The following SEMA3E variants were observed in gnomAD, a reference collection of about 807,000 sequenced individuals.
The protein encoded by SEMA3E is semaphorin 3E.
Under a neutral mutation model 93.6 loss-of-function variants are expected in SEMA3E, and 49 were observed. The ratio of observed to expected loss-of-function variants is 0.52; its 90% CI spans 0.42 to 0.66. The LOEUF is 0.66. Among genes scored for constraint, SEMA3E ranks in the 30% least tolerant of loss-of-function variants. The probability of loss-of-function intolerance (pLI) is 0.00; values close to 1 mark genes in which losing one functional copy is unlikely to be tolerated. For missense variants in SEMA3E, 906 were observed against 964.8 expected (o/e 0.94, Z 0.81); for synonymous variants, 363 against 330.7 (o/e 1.10, Z -1.06).
In SEMA3E at chr7:83,405,378, C is replaced by T. The variant is rs1788307347; in HGVS notation, c.998+72G>A. Reference sequence around the variant, plus strand: ...GGTCAATAGTCTTTCAACTTATATACACCATGAAGGGAGAGTCCGGTGAGG... The same window carrying T: ...GGTCAATAGTCTTTCAACTTATATATACCATGAAGGGAGAGTCCGGTGAGG... On this transcript the variant is annotated intron_variant, in intron 9 of 16. Transcript: ENST00000643230. 4.6e-6 allele frequency: 5 copies of T among 1,079,360 alleles called. No individual in the cohort carries two copies. The Admixed American group carries it at 5.2e-5, about 11-fold the overall frequency. The allele number at this position is 1,079,360 out of a possible 1,614,324, so 66.9% of individuals were successfully genotyped here.
intron 1 of SEMA3E, chr7:83,612,446 T>A (rs1212458307): frequency 6.6e-6 from 1 of 152,008 alleles, no homozygotes; most frequent in Non-Finnish European, 1.5e-5. Context: ...AATCCAAAGA[T>A]CAATCCTATG....
intron 1 of SEMA3E, among the ~76,000 whole-genome samples, chr7:83,627,856 G>T (rs1392823314): frequency 6.6e-6 from 1 of 151,916 alleles, no homozygotes; most frequent in Non-Finnish European, 1.5e-5. Context: ...TGATCCTGTC[G>T]TTATGATGCT....
intron 4 of SEMA3E, among the ~76,000 whole-genome samples, chr7:83,433,542 T>A (rs1258496026): frequency 6.6e-6 from 1 of 150,384 alleles, no homozygotes; most frequent in Non-Finnish European, 1.5e-5. Flanking sequence ...AAGCATCTTT[T>A]AAATTAATAA....
intron 4 of SEMA3E, among the ~76,000 whole-genome samples, chr7:83,442,174 A>G (rs542020711): frequency 3.3e-5 from 5 of 152,300 alleles, no homozygotes; most frequent in African/African-American, 9.6e-5. Context: ...AATCTTTCAT[A>G]TCTTATTCCA....
At chr7:83,516,950 T>C (rs748980135) in intron 1 of SEMA3E, among the ~76,000 whole-genome samples, 3 of 149,734 alleles carry the variant, frequency 2.0e-5, no homozygotes, top group Non-Finnish European at 4.4e-5. Context: ...TATATTTATA[T>C]ATATATATGT....
intron 2 of SEMA3E, among the ~76,000 whole-genome samples, chr7:83,482,894 G>A (rs1220310343): frequency 7.6e-6 from 1 of 132,106 alleles, no homozygotes; most frequent in African/African-American, 2.9e-5. Context: ...GGGAAGGGGA[G>A]TTGTAAGGAT....
intron 1 of SEMA3E, among the ~76,000 whole-genome samples, chr7:83,560,618 T>C (rs924061987): frequency 3.3e-5 from 5 of 152,042 alleles, no homozygotes; most frequent in African/African-American, 1.2e-4. Context: ...GAATTCTCCT[T>C]TGAACTGATT....
chr7:83,623,177 A>T (rs1793600963), intron 1 of SEMA3E, among the ~76,000 whole-genome samples: 1 of 152,138 alleles, frequency 6.6e-6, no homozygotes. Flanking sequence ...GGAAATAATC[A>T]AACAAGTGCA....
intron 1 of SEMA3E, among the ~76,000 whole-genome samples, chr7:83,554,772 G>T (rs544635108): frequency 2.0e-5 from 3 of 152,040 alleles, no homozygotes; most frequent in Non-Finnish European, 4.4e-5. Context: ...GTCAGGAGAT[G>T]GAGACCATCT....
intron 4 of SEMA3E, among the ~76,000 whole-genome samples, chr7:83,457,236 G>T (rs1789504842): frequency 6.6e-6 from 1 of 152,144 alleles, no homozygotes; most frequent in African/African-American, 2.4e-5. Context: ...GACAGAGAGA[G>T]AGAGAGAAGA....
At chr7:83,544,854 G>A (rs959745990) in intron 1 of SEMA3E, among the ~76,000 whole-genome samples, 3 of 151,872 alleles carry the variant, frequency 2.0e-5, no homozygotes, top group Non-Finnish European at 4.4e-5. Flanking sequence ...CCTTGGATTA[G>A]TCATGTGTAT....
At chr7:83,588,468 A>G (rs553745319) in intron 1 of SEMA3E, among the ~76,000 whole-genome samples, 154 of 152,296 alleles carry the variant, frequency 1.0e-3, no homozygotes, top group Middle Eastern at 6.8e-3. Flanking sequence ...ATTCTAAAGC[A>G]GTACTGAGTG....
At chr7:83,371,905 TG>T (rs1794754517) in intron 16 of SEMA3E, 1 of 178,396 alleles carries the variant, frequency 5.6e-6, no homozygotes, top group Admixed American at 6.2e-5. Flanking sequence ...TGCTTCTTTT[TG>T]TAACACAATA....
At chr7:83,469,868 C>G (rs890439219) in intron 2 of SEMA3E, among the ~76,000 whole-genome samples, 13 of 151,194 alleles carry the variant, frequency 8.6e-5, no homozygotes, top group African/African-American at 3.2e-4. Context: ...GTGATCTCGG[C>G]TCATTGCAGC....
chr7:83,367,513 G>A lies in SEMA3E; in HGVS notation c.*73C>T, dbSNP rs1794686642. ...CTCTTTTAAGTAATGCAAAGAAGTT[G>A]GATGATTTATTTTTTTACTTTTTTA... On this transcript the variant is annotated 3_prime_UTR_variant, in exon 17 of 17. Coordinates refer to ENST00000643230, the MANE Select transcript of SEMA3E (RefSeq NM_012431.3). The A allele has an allele frequency of 2.1e-6, 3 of 1,449,384 alleles. No homozygotes were observed. The highest frequency in any genetic ancestry group is 2.9e-5 in the African/African-American group (2 of 69,422). 89.8% of individuals were successfully genotyped at this position (1,449,384 alleles called of 1,614,324 possible).
At position 83,598,887 on chromosome 7, in the gene SEMA3E, C is replaced by A. The variant is rs116562791; in HGVS notation, c.115+49541G>T. Among the ~76,000 whole-genome samples the A allele has an allele frequency of 4.8e-3, 730 of 152,162 alleles. 6 individuals are homozygous for A. The highest frequency in any genetic ancestry group is 0.015 in the African/African-American group (623 of 41,484). ...AATCTATATGTTATATATCTTTATACCTCTTTGACATAAAATATGTGGCAC... is the reference window on the plus strand; with the variant it reads ...AATCTATATGTTATATATCTTTATAACTCTTTGACATAAAATATGTGGCAC... On this transcript the variant is annotated intron_variant, in intron 1 of 16. Coordinates refer to ENST00000643230, the MANE Select transcript of SEMA3E (RefSeq NM_012431.3).
chr7:83,488,369 GAGA>G (rs1439341800), intron 2 of SEMA3E, among the ~76,000 whole-genome samples: 1 of 152,038 alleles, frequency 6.6e-6, no homozygotes, highest in Non-Finnish European at 1.5e-5. Context: ...AGAGAAACAG[GAGA>G]AGGTTTTAAA....
At chr7:83,641,004 A>G (rs993741950) in intron 1 of SEMA3E, among the ~76,000 whole-genome samples, 2 of 152,170 alleles carry the variant, frequency 1.3e-5, no homozygotes, top group Admixed American at 1.3e-4. Flanking sequence ...AAGGTGGAGG[A>G]GAGAATGTAG....
chr7:83,516,964 T>TATATAA (rs767562960), intron 1 of SEMA3E, among the ~76,000 whole-genome samples: 182 of 150,228 alleles, frequency 1.2e-3, no homozygotes, highest in South Asian at 6.5e-3. Context: ...TATATGTATA[T>TATATAA]AAAATATAGA....
Sources: gnomAD v4.1 joint callset for allele counts (sites outside exome capture counted in the v4.1 genomes callset) on GRCh38, gnomAD v4.1.1 for gene constraint, MANE v1.5 for transcripts, NCBI Gene and HGNC (gene_info 2026-07-23, HGNC 2026-07-21) for gene names.